PRKG1: variants seen among roughly 807,000 people sequenced by gnomAD.
The protein encoded by PRKG1 is protein kinase cGMP-dependent 1.
PRKG1 carries 35 observed loss-of-function variants against 88.1 expected under a neutral mutation model. The ratio of observed to expected loss-of-function variants is 0.40; its 90% CI spans 0.30 to 0.53. The LOEUF is 0.53. Among genes scored for constraint, PRKG1 ranks in the 20% least tolerant of loss-of-function variants. The probability of loss-of-function intolerance (pLI) is 0.59; values close to 1 mark genes in which losing one functional copy is unlikely to be tolerated. For synonymous variants in PRKG1, 303 were observed against 292.5 expected (o/e 1.04, Z -0.37); for missense variants, 540 against 839.8 (o/e 0.64, Z 4.41).
At chr10:51,123,407 C>T (rs989704297) in intron 1 of PRKG1, among the ~76,000 whole-genome samples, 9 of 152,230 alleles carry the variant, frequency 5.9e-5, no homozygotes, top group South Asian at 2.1e-4. Context: ...TACCTGAGCC[C>T]GGGCCTGGTG....
At chr10:51,778,892 A>G (rs1194114050) in intron 3 of PRKG1, among the ~76,000 whole-genome samples, 1 of 152,192 alleles carries the variant, frequency 6.6e-6, no homozygotes, top group Non-Finnish European at 1.5e-5. Flanking sequence ...TAAAGCCAAA[A>G]GCTGTTCTAC....
Position 52,073,745 on chromosome 10 carries a change from C to T in PRKG1, c.935+11114C>T, listed in dbSNP as rs11000702. 3.4e-3 allele frequency among the ~76,000 whole-genome samples: 510 copies of T among 152,220 alleles called. 24 individuals are homozygous for T. In the East Asian group the frequency reaches 0.082, roughly 24 times the overall value. On this transcript the variant is annotated intron_variant, in intron 7 of 17. Transcript: ENST00000373980. ...TTATATGGACCTTAATTAAAAGATA[C>T]CTGTGATATAATGGCCCATTGGACT...
chr10:51,447,058 C>T (rs192919921), intron 2 of PRKG1, among the ~76,000 whole-genome samples: 423 of 152,104 alleles, frequency 2.8e-3, no homozygotes, highest in African/African-American at 9.5e-3. Context: ...AGTAATGTAG[C>T]ACATATACTG....
At chr10:51,232,929 C>A (rs995910138) in intron 2 of PRKG1, among the ~76,000 whole-genome samples, 8 of 152,178 alleles carry the variant, frequency 5.3e-5, no homozygotes, top group African/African-American at 1.9e-4. Flanking sequence ...CTAACCTATT[C>A]ATTCAACAGA....
At chr10:51,394,087 G>T (rs1266876437) in intron 2 of PRKG1, among the ~76,000 whole-genome samples, 1 of 152,200 alleles carries the variant, frequency 6.6e-6, no homozygotes, top group Non-Finnish European at 1.5e-5. Flanking sequence ...CTGAGAGCAG[G>T]TCTTCTGATT....
chr10:51,181,299 T>C (rs1455415343), intron 2 of PRKG1, among the ~76,000 whole-genome samples: 4 of 132,816 alleles, frequency 3.0e-5, no homozygotes, highest in Non-Finnish European at 6.2e-5. Flanking sequence ...CGGACTGCAG[T>C]GGCGCAATCT....
chr10:52,293,216 A>G (rs1465356929), intron 17 of PRKG1, among the ~76,000 whole-genome samples: 1 of 151,608 alleles, frequency 6.6e-6, no homozygotes, highest in Non-Finnish European at 1.5e-5. Context: ...GATGTGAAGG[A>G]CCTCTTCAAG....
chr10:52,069,855 A>G (rs1474655394), intron 7 of PRKG1, among the ~76,000 whole-genome samples: 1 of 152,006 alleles, frequency 6.6e-6, no homozygotes, highest in Non-Finnish European at 1.5e-5. Context: ...TTCTCGGTCA[A>G]TATATTATTT....
intron 1 of PRKG1, among the ~76,000 whole-genome samples, chr10:51,031,820 A>G (rs1207509601): frequency 6.6e-6 from 1 of 152,186 alleles, no homozygotes; most frequent in African/African-American, 2.4e-5. Context: ...ATCTCATCAT[A>G]TGAATAGAAA....
chr10:51,641,614 ATCG>A (rs923196409), intron 3 of PRKG1, among the ~76,000 whole-genome samples: 22 of 152,228 alleles, frequency 1.4e-4, no homozygotes, highest in African/African-American at 5.3e-4. Context: ...CGTCCAAGTG[ATCG>A]TCTATTAGAT....
At chr10:51,915,389 TAA>T (rs1842317139) in intron 5 of PRKG1, among the ~76,000 whole-genome samples, 2 of 152,240 alleles carry the variant, frequency 1.3e-5, no homozygotes, top group South Asian at 4.1e-4. Context: ...TGGAAGAGAT[TAA>T]AAGTTTCTGT....
chr10:51,540,703 A>G (rs1842278289), intron 3 of PRKG1, among the ~76,000 whole-genome samples: 1 of 151,896 alleles, frequency 6.6e-6, no homozygotes, highest in Middle Eastern at 3.4e-3. Context: ...TCTTTCCAGT[A>G]TAGTAGTTTT....
At chr10:51,163,561 C>T (rs1314345056) in intron 2 of PRKG1, among the ~76,000 whole-genome samples, 4 of 152,156 alleles carry the variant, frequency 2.6e-5, no homozygotes, top group African/African-American at 7.2e-5. Flanking sequence ...GCCGCGCACC[C>T]GCACCATGTG....
chr10:52,120,630 A>T (rs1847798341), intron 7 of PRKG1, among the ~76,000 whole-genome samples: 1 of 152,216 alleles, frequency 6.6e-6, no homozygotes, highest in Non-Finnish European at 1.5e-5. Context: ...TGGGGCAAAC[A>T]ACATTAAATC....
rs147233224 is a variant in PRKG1, at chr10:51,036,696, G to A, written c.266+45052G>A. ...CTTAGGGGATTAAGTAAATGGGGGC[G>A]TGTTTGCTCCTATTTGGGACTGTCT... On this transcript the variant is annotated intron_variant, in intron 1 of 17. Coordinates refer to the PRKG1 transcript ENST00000401604. Among the ~76,000 whole-genome samples the A allele has an allele frequency of 1.7e-3, 256 of 152,238 alleles. 1 individual carries two copies. The highest frequency in any genetic ancestry group is 6.0e-3 in the African/African-American group (250 of 41,534).
At chr10:51,185,981 T>TA (rs892070158) in intron 2 of PRKG1, among the ~76,000 whole-genome samples, 4 of 151,396 alleles carry the variant, frequency 2.6e-5, no homozygotes, top group Admixed American at 1.3e-4. Context: ...AAGTGATTTT[T>TA]AAAAAAAAAT....
chr10:51,287,507 T>C (rs1840472851), intron 2 of PRKG1, among the ~76,000 whole-genome samples: 4 of 152,212 alleles, frequency 2.6e-5, no homozygotes, highest in Non-Finnish European at 4.4e-5. Context: ...AAGGTCCTGT[T>C]CACATGGAGC....
At chr10:51,970,031 CA>C (rs1564733379) in intron 5 of PRKG1, among the ~76,000 whole-genome samples, 10 of 149,596 alleles carry the variant, frequency 6.7e-5, no homozygotes, top group Admixed American at 2.0e-4. Flanking sequence ...CACACACACA[CA>C]CACACACACA....
At chr10:51,779,563 A>C (rs1204399652) in intron 3 of PRKG1, among the ~76,000 whole-genome samples, 1 of 152,160 alleles carries the variant, frequency 6.6e-6, no homozygotes, top group African/African-American at 2.4e-5. Flanking sequence ...GCCAAAAATC[A>C]TATGATAAAA....
Sources: gnomAD v4.1 joint callset for allele counts (sites outside exome capture counted in the v4.1 genomes callset) on GRCh38, gnomAD v4.1.1 for gene constraint, MANE v1.5 for transcripts, NCBI Gene and HGNC (gene_info 2026-07-23, HGNC 2026-07-21) for gene names.